The following MARCHF1 variants were observed in gnomAD, a reference collection of about 807,000 sequenced individuals.
MARCHF1 encodes the protein E3 ubiquitin-protein ligase MARCHF1.
In MARCHF1, 40 loss-of-function variants were observed where a neutral mutation model predicts 54.2. That is an observed-to-expected ratio of 0.74 (90% CI 0.57 to 0.96). The LOEUF is 0.96. MARCHF1 is among the 40% of genes least tolerant of loss of function. The pLI, the probability that MARCHF1 is intolerant of heterozygous loss-of-function variation, is 0.00. For missense variants in MARCHF1, 586 were observed against 656.5 expected, an observed-to-expected ratio of 0.89 and a Z score of 1.17; for synonymous variants, 236 against 236.3, an observed-to-expected ratio of 1.00 and a Z score of 0.01.
intron 1 of MARCHF1, among the ~76,000 whole-genome samples, chr4:164,367,316 G>T (rs973804336): frequency 6.6e-6 from 1 of 151,880 alleles, no homozygotes. Context: ...CTAAGCATCA[G>T]GTTAAATATG....
chr4:163,756,810 T>C (rs182972808), intron 4 of MARCHF1, among the ~76,000 whole-genome samples: 1 of 152,224 alleles, frequency 6.6e-6, no homozygotes, highest in African/African-American at 2.4e-5. Context: ...TTCAGATTCC[T>C]AAAGTAAATT....
chr4:164,118,203 T>C (rs944854724), intron 1 of MARCHF1, among the ~76,000 whole-genome samples: 2 of 151,720 alleles, frequency 1.3e-5, no homozygotes, highest in African/African-American at 4.8e-5. Context: ...AAAACAAATA[T>C]TTTTATATGG....
chr4:163,552,859 C>G (rs1013214608), intron 8 of MARCHF1, among the ~76,000 whole-genome samples: 16 of 152,054 alleles, frequency 1.1e-4, no homozygotes, highest in African/African-American at 3.6e-4. Context: ...TGGTGAAACC[C>G]TGCATCTACT....
intron 2 of MARCHF1, among the ~76,000 whole-genome samples, chr4:164,003,932 T>C (rs796611040): frequency 2.0e-5 from 3 of 152,200 alleles, no homozygotes; most frequent in African/African-American, 7.2e-5. Context: ...GTGGTATATA[T>C]ACACCATGGA....
chr4:164,144,247 C>T (rs1729601751), intron 1 of MARCHF1, among the ~76,000 whole-genome samples: 1 of 151,328 alleles, frequency 6.6e-6, no homozygotes, highest in Non-Finnish European at 1.5e-5. Flanking sequence ...CCACTGTCAA[C>T]ATTAGACAGA....
intron 3 of MARCHF1, among the ~76,000 whole-genome samples, chr4:163,883,859 G>A (rs988934777): frequency 6.6e-6 from 1 of 151,942 alleles, no homozygotes; most frequent in Admixed American, 6.6e-5. Flanking sequence ...GCCCTAGCCT[G>A]CATCAAAGCT....
At chr4:164,229,588 A>ATAAAGAAAC (rs1457976813) in intron 1 of MARCHF1, among the ~76,000 whole-genome samples, 7 of 152,222 alleles carry the variant, frequency 4.6e-5, no homozygotes, top group African/African-American at 1.7e-4. Flanking sequence ...CCACATAGCT[A>ATAAAGAAAC]TAAAGAAACA....
chr4:164,068,508 C>A (rs1214681483), intron 2 of MARCHF1, among the ~76,000 whole-genome samples: 2 of 152,186 alleles, frequency 1.3e-5, no homozygotes, highest in Admixed American at 6.5e-5. Flanking sequence ...GCCAGCCCCG[C>A]CGGCCCCGAG....
intron 5 of MARCHF1, among the ~76,000 whole-genome samples, chr4:163,632,854 A>G (rs1701651183): frequency 6.6e-6 from 1 of 152,248 alleles, no homozygotes; most frequent in South Asian, 2.1e-4. Flanking sequence ...CCTGTCTGAC[A>G]GCTTTGAAGA....
At chr4:164,185,763 A>G (rs56844325) in intron 1 of MARCHF1, among the ~76,000 whole-genome samples, 59,914 of 151,718 alleles carry the variant, frequency 0.39, 12,861 homozygotes, top group Non-Finnish European at 0.49. Context: ...AATTGCTTCT[A>G]AATTGTAGAA....
chr4:163,892,728 A>C (rs1328400494), intron 3 of MARCHF1, among the ~76,000 whole-genome samples: 1 of 152,100 alleles, frequency 6.6e-6, no homozygotes, highest in African/African-American at 2.4e-5. Context: ...GACAGAAGAA[A>C]AGCTATTTAA....
At chr4:164,210,114 A>G (rs537885053) in intron 1 of MARCHF1, among the ~76,000 whole-genome samples, 1 of 152,300 alleles carries the variant, frequency 6.6e-6, no homozygotes, top group South Asian at 2.1e-4. Context: ...GCATTTAAAC[A>G]CAAACAAACA....
intron 1 of MARCHF1, among the ~76,000 whole-genome samples, chr4:164,115,233 C>A (rs1755916326): frequency 6.6e-6 from 1 of 151,848 alleles, no homozygotes; most frequent in Admixed American, 6.6e-5. Flanking sequence ...TAAGAATGAG[C>A]AATAATCAGT....
intron 5 of MARCHF1, among the ~76,000 whole-genome samples, chr4:163,699,947 G>T (rs143914333): frequency 6.1e-5 from 9 of 147,350 alleles, no homozygotes; most frequent in African/African-American, 1.7e-4. Flanking sequence ...TTTATATACA[G>T]TCTAGGGAAT....
Position 164,303,745 on chromosome 4 carries a change from C to T in MARCHF1, c.-323+80125G>A, listed in dbSNP as rs920426482. On this transcript the variant is annotated intron_variant, in intron 1 of 9. Transcript: ENST00000514618. ...GCACCCACACACCCCAATCACCCATCGCCTCCCCAACACATACACACATGC... is the reference window on the plus strand; with the variant it reads ...GCACCCACACACCCCAATCACCCATTGCCTCCCCAACACATACACACATGC... 2.5e-4 allele frequency among the ~76,000 whole-genome samples: 4 copies of T among 15,748 alleles called. No homozygotes were observed. The African/African-American group carries it at 3.5e-3, about 14-fold the overall frequency. 10.3% of individuals were successfully genotyped at this position (15,748 alleles called of 152,430 possible). A position where few individuals can be genotyped will look rare whatever the true frequency, so the allele number is the denominator to read the frequency against.
chr4:164,335,418 C>A (rs562892835), intron 1 of MARCHF1, among the ~76,000 whole-genome samples: 10 of 152,028 alleles, frequency 6.6e-5, no homozygotes, highest in Non-Finnish European at 1.3e-4. Flanking sequence ...CTGTCTCTAC[C>A]AAAAATACGA....
At chr4:164,132,080 G>C (rs1210900090) in intron 1 of MARCHF1, among the ~76,000 whole-genome samples, 1 of 152,094 alleles carries the variant, frequency 6.6e-6, no homozygotes, top group East Asian at 1.9e-4. Flanking sequence ...ACAAAAACCT[G>C]TAGCTGCCTG....
chr4:164,316,391 G>A (rs555745119), intron 1 of MARCHF1, among the ~76,000 whole-genome samples: 1 of 152,270 alleles, frequency 6.6e-6, no homozygotes, highest in African/African-American at 2.4e-5. Context: ...GATCTCAGTT[G>A]ACTCATTTTA....
At chr4:164,335,726 C>T (rs6814764) in intron 1 of MARCHF1, among the ~76,000 whole-genome samples, 3,271 of 152,208 alleles carry the variant, frequency 0.021, 54 homozygotes, top group Non-Finnish European at 0.034. Context: ...CCCAGATGAT[C>T]ATGAGCATTT....
Sources: gnomAD v4.1 joint callset for allele counts (sites outside exome capture counted in the v4.1 genomes callset) on GRCh38, gnomAD v4.1.1 for gene constraint, MANE v1.5 for transcripts, NCBI Gene and HGNC (gene_info 2026-07-23, HGNC 2026-07-21) for gene names.